Variants in FLAD1 observed in about 807,000 individuals in gnomAD.
The protein encoded by FLAD1 is flavin adenine dinucleotide synthetase 1.
FLAD1 carries 35 observed loss-of-function variants against 55.0 expected under a neutral mutation model. The observed-to-expected ratio is 0.64, with a 90% CI of 0.49 to 0.84. FLAD1 has a LOEUF of 0.84. Ranked by LOEUF, FLAD1 falls within the 40% of genes least tolerant of loss-of-function variation. FLAD1 has a pLI of 0.00. For missense variants in FLAD1, 665 were observed against 742.6 expected (o/e 0.90, Z 1.21); for synonymous variants, 267 against 303.0 (o/e 0.88, Z 1.23).
intron 5 of FLAD1, among the ~76,000 whole-genome samples, chr1:154,991,684 C>T (rs1558077267): frequency 6.6e-6 from 1 of 152,194 alleles, no homozygotes; most frequent in East Asian, 1.9e-4. Context: ...GTGGCTCACA[C>T]CTGTAACCCC....
intron 5 of FLAD1, 62 bp from the exon 6 acceptor site, chr1:154,992,651 C>G: frequency 3.7e-6 from 6 of 1,614,162 alleles, no homozygotes; most frequent in Non-Finnish European, 5.1e-6. Flanking sequence ...CTTCCCAGGA[C>G]AGCAGGGGTA....
At chr1:154,990,773 T>C in intron 5 of FLAD1, 1 of 380,184 alleles carries the variant, frequency 2.6e-6, no homozygotes, top group East Asian at 3.9e-5. Context: ...TGCTGTCCAA[T>C]ATAGCCATTA....
chr1:154,992,745 G>A lies in FLAD1; in HGVS notation c.1587G>A (p.Leu529=), dbSNP rs1297882125. 1 of 1,614,160 alleles carries A rather than the reference G, an allele frequency of 6.2e-7. No individual in the cohort carries two copies. The highest frequency in any genetic ancestry group is 2.2e-5 in the East Asian group (1 of 44,880). The change falls in exon 6 of 7, where the codon CTG becomes CTA. Residue 529 remains leucine, a synonymous_variant. Coordinates refer to ENST00000292180, the MANE Select transcript of FLAD1 (RefSeq NM_025207.5). ...DWTYRDIWDF[L]RQLFVPYCIL... ...CCTACAGAGACATCTGGGATTTTCT[G>A]CGTCAGCTGTTTGTCCCATACTGTA...
intron 3 of FLAD1, 112 bp from the exon 4 acceptor site, chr1:154,990,047 A>C (rs1349120534): frequency 2.2e-6 from 2 of 889,606 alleles, no homozygotes; most frequent in Admixed American, 2.0e-5. Context: ...GACAAGGAAA[A>C]GGGAGAAGGG....
At chr1:154,992,576 C>T (rs1226577238) in intron 5 of FLAD1, 137 bp from the exon 6 acceptor site, 3 of 1,613,714 alleles carry the variant, frequency 1.9e-6, no homozygotes, top group African/African-American at 1.3e-5. Flanking sequence ...GCAAGCTATA[C>T]CAGAGAATCA....
At chr1:154,984,092 A>C in intron 1 of FLAD1, 26 bp downstream of exon 1, 1 of 1,474,598 alleles carries the variant, frequency 6.8e-7, no homozygotes, top group Non-Finnish European at 9.0e-7. Flanking sequence ...AAAAGGGGGG[A>C]GGGCGCTGCG....
Position 154,983,624 on chromosome 1 carries a change from A to C in FLAD1, c.-71A>C. 1 of 1,504,192 alleles carries C rather than the reference A, an allele frequency of 6.6e-7. No individual in the cohort carries two copies. Among genetic ancestry groups the C allele is most frequent in the Non-Finnish European group, 8.9e-7 (1 of 1,117,462 alleles). 93.2% of individuals were successfully genotyped at this position (1,504,192 alleles called of 1,614,324 possible). On this transcript the variant is annotated 5_prime_UTR_variant, in exon 1 of 7. Transcript: ENST00000292180. ...GAGACCAGCTCAGCAAACGGAAGAC[A>C]CTTAAAGTGGTAGGTTCTCAAGAGA... is the stretch of plus-strand genomic sequence containing the variant.
chr1:154,989,877 T>C (rs928498479), intron 3 of FLAD1, among the ~76,000 whole-genome samples, 170 bp downstream of exon 3: 4 of 152,242 alleles, frequency 2.6e-5, no homozygotes, highest in African/African-American at 9.6e-5. Context: ...CCTGGCCTTG[T>C]GTATGGATGT....
intron 5 of FLAD1, 109 bp from the exon 6 acceptor site, chr1:154,992,604 C>T (rs765887922): frequency 6.2e-7 from 1 of 1,614,046 alleles, no homozygotes; most frequent in Non-Finnish European, 8.5e-7. Context: ...AGCCCTCCCT[C>T]AGAGGCCAAG....
rs763653618 is a variant in FLAD1 at position 154,983,804 on chromosome 1, C to T, written c.110C>T (p.Thr37Met). ...TRVFLEGSTR[T>M]PALPHCLFWL... Reference sequence around the variant, plus strand: ...GTCTTCCTCGAAGGAAGCACGCGCACGCCTGCTCTCCCCCATTGTCTTTTC... The same window carrying T: ...GTCTTCCTCGAAGGAAGCACGCGCATGCCTGCTCTCCCCCATTGTCTTTTC... Residue 37 changes from threonine to methionine, a missense_variant, in exon 1 of 7, where the codon ACG becomes ATG. By Grantham distance (81) the Thr-to-Met change is moderately conservative. Coordinates refer to ENST00000292180, the MANE Select transcript of FLAD1 (RefSeq NM_025207.5). 1 of 1,614,192 alleles carries T rather than the reference C, an allele frequency of 6.2e-7. No homozygotes were observed. Among genetic ancestry groups the T allele is most frequent in the Non-Finnish European group, 8.5e-7 (1 of 1,180,038 alleles).
chr1:154,989,856 T>C, intron 3 of FLAD1, 149 bp downstream of exon 3: 1 of 951,740 alleles, frequency 1.1e-6, no homozygotes. Context: ...ATATTGAGTA[T>C]ATGATATGTG....
At chr1:154,984,708 C>CAAAA (rs201533169) in intron 1 of FLAD1, among the ~76,000 whole-genome samples, 2 of 58,506 alleles carry the variant, frequency 3.4e-5, no homozygotes, top group Non-Finnish European at 8.2e-5. Context: ...AACTCCGTCT[C>CAAAA]AAAAAAAAAA....
At chr1:154,984,977 G>A (rs1305500138) in intron 1 of FLAD1, among the ~76,000 whole-genome samples, 1 of 147,202 alleles carries the variant, frequency 6.8e-6, no homozygotes. Flanking sequence ...CAGTCCTCCT[G>A]CCTCAGCATC....
At chr1:154,992,485 C>T in intron 5 of FLAD1, 1 of 1,279,218 alleles carries the variant, frequency 7.8e-7, no homozygotes, top group Admixed American at 1.9e-5. Context: ...AAGCTCCACC[C>T]TTGCACTAGA....
chr1:154,986,704 CTTTT>C (rs776649473), intron 1 of FLAD1, among the ~76,000 whole-genome samples: 1 of 91,700 alleles, frequency 1.1e-5, no homozygotes, highest in Non-Finnish European at 2.1e-5. Flanking sequence ...GCCCCCCACC[CTTTT>C]TTTTTTTTTT....
chr1:154,985,747 CAG>C (rs1657562250), intron 1 of FLAD1, among the ~76,000 whole-genome samples: 1 of 88,802 alleles, frequency 1.1e-5, no homozygotes, highest in African/African-American at 4.3e-5. Flanking sequence ...TTTTTTGAGA[CAG>C]AGTTTCACTT....
At position 154,983,999 on chromosome 1, in the gene FLAD1, C is replaced by G. The variant is rs1657448194; in HGVS notation, c.305C>G (p.Ala102Gly). 6.6e-7 allele frequency: 1 copy of G among 1,521,698 alleles called. No homozygotes were observed. Among genetic ancestry groups the G allele is most frequent in the Non-Finnish European group, 8.8e-7 (1 of 1,134,990 alleles). 94.3% of individuals were successfully genotyped at this position (1,521,698 alleles called of 1,614,324 possible). ...GREGRTMTSR[A>G]SELSPGRSVT... ...GAAGGCAGGACCATGACATCTAGGGCCTCTGAACTTTCTCCGGGGCGCAGC... is the reference window on the plus strand; with the variant it reads ...GAAGGCAGGACCATGACATCTAGGGGCTCTGAACTTTCTCCGGGGCGCAGC... The change falls in exon 1 of 7, where the codon GCC becomes GGC. Residue 102 changes from alanine to glycine, a missense_variant. By Grantham distance (60) the Ala-to-Gly change is moderately conservative. Transcript: ENST00000292180.
intron 1 of FLAD1, among the ~76,000 whole-genome samples, chr1:154,986,937 G>A (rs1657639639): frequency 1.3e-5 from 2 of 151,732 alleles, no homozygotes; most frequent in African/African-American, 2.4e-5. Flanking sequence ...GGTCAGAGAG[G>A]TTGAGAAACC....
At chr1:154,984,568 C>G (rs926064780) in intron 1 of FLAD1, among the ~76,000 whole-genome samples, 1 of 151,902 alleles carries the variant, frequency 6.6e-6, no homozygotes, top group African/African-American at 2.4e-5. Context: ...ATTAGCCAGG[C>G]GTGGTGGTGC....
Sources: gnomAD v4.1 joint callset for allele counts (sites outside exome capture counted in the v4.1 genomes callset) on GRCh38, gnomAD v4.1.1 for gene constraint, MANE v1.5 for transcripts, NCBI Gene and HGNC (gene_info 2026-07-23, HGNC 2026-07-21) for gene names.